COL4A1: variants seen among roughly 807,000 people sequenced by gnomAD.
COL4A1 encodes the protein collagen type IV alpha 1 chain.
In COL4A1, 40 loss-of-function variants were observed where a neutral mutation model predicts 216.6. The observed-to-expected ratio is 0.18, with a 90% confidence interval of 0.14 to 0.24. COL4A1 has a LOEUF of 0.24. Among genes scored for constraint, COL4A1 ranks in the 10% least tolerant of loss-of-function variants. The pLI is 1.00. For synonymous variants in COL4A1, 839 were observed against 810.7 expected (o/e 1.03, Z -0.59); for missense variants, 1,628 against 2,196.8 (o/e 0.74, Z 5.18).
intron 2 of COL4A1, among the ~76,000 whole-genome samples, chr13:110,231,005 G>A (rs762804462): frequency 7.9e-5 from 12 of 152,192 alleles, no homozygotes; most frequent in South Asian, 4.1e-4. Flanking sequence ...CATCAGCCCC[G>A]TCAGGATGAT....
At chr13:110,216,116 G>A (rs1880063022) in intron 2 of COL4A1, among the ~76,000 whole-genome samples, 1 of 152,214 alleles carries the variant, frequency 6.6e-6, no homozygotes, top group Non-Finnish European at 1.5e-5. Flanking sequence ...CAGCATCCAG[G>A]GAGTCGGCCA....
chr13:110,242,832 G>T, intron 1 of COL4A1, 98 bp from the exon 2 acceptor site: 1 of 1,296,842 alleles, frequency 7.7e-7, no homozygotes, highest in Non-Finnish European at 1.1e-6. Flanking sequence ...TTGTTTATGA[G>T]CGAAGCCTGC....
chr13:110,280,699 A>T (rs939426062), intron 1 of COL4A1, among the ~76,000 whole-genome samples: 4 of 152,222 alleles, frequency 2.6e-5, no homozygotes, highest in Non-Finnish European at 4.4e-5. Context: ...TCCCCTTTTC[A>T]ATAATTCTGG....
chr13:110,152,994 G>A (rs1566333178), intron 50 of COL4A1, among the ~76,000 whole-genome samples: 1 of 152,074 alleles, frequency 6.6e-6, no homozygotes, highest in Non-Finnish European at 1.5e-5. Flanking sequence ...TAAAAAGAGA[G>A]AAAAACAAGA....
intron 1 of COL4A1, among the ~76,000 whole-genome samples, chr13:110,294,942 A>G (rs1884211520): frequency 1.3e-5 from 2 of 152,234 alleles, no homozygotes; most frequent in Admixed American, 1.3e-4. Flanking sequence ...AAATGCACAC[A>G]TGGTCTACTT....
chr13:110,236,614 G>A (rs1273333931), intron 2 of COL4A1, among the ~76,000 whole-genome samples: 2 of 152,122 alleles, frequency 1.3e-5, no homozygotes, highest in African/African-American at 2.4e-5. Context: ...CCATGCCCAC[G>A]TCCTGGGTAA....
chr13:110,218,577 A>C (rs964393342), intron 2 of COL4A1, among the ~76,000 whole-genome samples: 2 of 152,242 alleles, frequency 1.3e-5, no homozygotes, highest in African/African-American at 2.4e-5. Context: ...GGGATGCTGA[A>C]CTAGCCAATT....
intron 2 of COL4A1, among the ~76,000 whole-genome samples, chr13:110,228,941 G>A (rs1162240747): frequency 6.6e-6 from 1 of 152,198 alleles, no homozygotes; most frequent in Non-Finnish European, 1.5e-5. Flanking sequence ...AGCTATGATT[G>A]CTTCAACTTG....
chr13:110,161,560 AC>A (rs1877087203), intron 48 of COL4A1, among the ~76,000 whole-genome samples, 191 bp from the exon 49 acceptor site: 1 of 152,244 alleles, frequency 6.6e-6, no homozygotes, highest in Non-Finnish European at 1.5e-5. Flanking sequence ...GCACAAAGAA[AC>A]CTTTTCCTAA....
Position 110,207,275 on chromosome 13 carries a change from A to G in COL4A1, c.780+128T>C. On this transcript the variant is annotated intron_variant, in intron 13 of 51. Coordinates refer to ENST00000375820, the MANE Select transcript of COL4A1 (RefSeq NM_001845.6). This position sits in a 1 kb window ranked among gnomAD's most constrained non-coding sequence, Gnocchi z 4.4. ...TCGTATTTTATGGACTGAACAGTCTATAAATCTGTTTTCCAGACCAGGATT... is the reference window on the plus strand; with the variant it reads ...TCGTATTTTATGGACTGAACAGTCTGTAAATCTGTTTTCCAGACCAGGATT... 1 of 848,248 alleles carries G rather than the reference A, an allele frequency of 1.2e-6. No homozygotes were observed. Among genetic ancestry groups the G allele is most frequent in the Non-Finnish European group, 2.0e-6 (1 of 502,498 alleles). 52.5% of individuals were successfully genotyped at this position (848,248 alleles called of 1,614,324 possible).
At chr13:110,244,965 T>C (rs761575650) in intron 1 of COL4A1, among the ~76,000 whole-genome samples, 8 of 152,188 alleles carry the variant, frequency 5.3e-5, no homozygotes, top group Non-Finnish European at 1.2e-4. Context: ...CAGTACCCAA[T>C]TATGGTTGTA....
At chr13:110,157,536 AC>A (rs1876844861) in intron 49 of COL4A1, among the ~76,000 whole-genome samples, 2 of 152,220 alleles carry the variant, frequency 1.3e-5, no homozygotes, top group African/African-American at 4.8e-5. Flanking sequence ...CAGCCTCTCT[AC>A]GAGAGGGAAG....
rs7337040 is a variant in COL4A1, at chr13:110,192,730, C to G, written c.1465+100G>C. 3.0e-6 allele frequency: 3 copies of G among 1,011,766 alleles called. No homozygotes were observed. The African/African-American group carries it at 4.8e-5, about 16-fold the overall frequency. 62.7% of individuals were successfully genotyped at this position (1,011,766 alleles called of 1,614,324 possible). The stretch of plus-strand genomic sequence containing the variant: ...CTGATTATGCTTTAGGATTGGCTGC[C>G]GAAAATCAGGCCTTCTATGGAGTGA... On this transcript the variant is annotated intron_variant, in intron 23 of 51. Coordinates refer to ENST00000375820, the MANE Select transcript of COL4A1 (RefSeq NM_001845.6).
intron 28 of COL4A1, among the ~76,000 whole-genome samples, chr13:110,181,891 T>C (rs1197594435): frequency 2.0e-5 from 3 of 152,198 alleles, no homozygotes; most frequent in East Asian, 3.9e-4. Flanking sequence ...TGATGGGCTA[T>C]GAAGCTGGCC....
chr13:110,155,740 G>A (rs917317639), intron 49 of COL4A1, among the ~76,000 whole-genome samples: 1 of 152,148 alleles, frequency 6.6e-6, no homozygotes, highest in Non-Finnish European at 1.5e-5. Context: ...GAGAAACGCT[G>A]TCTCTACTAA....
At chr13:110,187,491 T>C (rs998787377) in intron 24 of COL4A1, among the ~76,000 whole-genome samples, 162 bp from the exon 25 acceptor site, 1 of 152,208 alleles carries the variant, frequency 6.6e-6, no homozygotes, top group Admixed American at 6.5e-5. Flanking sequence ...AGGAGCTCTG[T>C]GACAAAGCCC....
chr13:110,241,670 G>A (rs1300322734), intron 2 of COL4A1, among the ~76,000 whole-genome samples: 1 of 152,144 alleles, frequency 6.6e-6, no homozygotes, highest in Non-Finnish European at 1.5e-5. Context: ...AAACTATCCA[G>A]GTAACACTAG....
At chr13:110,247,006 C>T (rs1007353180) in intron 1 of COL4A1, among the ~76,000 whole-genome samples, 2 of 152,186 alleles carry the variant, frequency 1.3e-5, no homozygotes, top group African/African-American at 4.8e-5. Context: ...TAAAAGCAGA[C>T]CAGCCATGGA....
chr13:110,307,151 G>GT lies in COL4A1; in HGVS notation c.-125_-124insA. ...GTCCCGGGTGCGGCGGCTCCAAGCGGAGACCTGAGCGCGGCGGGCCGAGCT... is the reference window on the plus strand; with the variant it reads ...GTCCCGGGTGCGGCGGCTCCAAGCGGTAGACCTGAGCGCGGCGGGCCGAGCT... On this transcript the variant is annotated 5_prime_UTR_variant, in exon 1 of 52. Transcript: ENST00000375820. The surrounding 1 kb of genome is among the most constrained non-coding windows in gnomAD (Gnocchi z 5.0). 1 of 752,352 alleles carries GT rather than the reference G, an allele frequency of 1.3e-6. No individual in the cohort carries two copies. Among genetic ancestry groups the GT allele is most frequent in the Non-Finnish European group, 1.9e-6 (1 of 521,752 alleles). The allele number at this position is 752,352 out of a possible 1,614,324, so 46.6% of individuals were successfully genotyped here.
Sources: gnomAD v4.1 joint callset for allele counts (sites outside exome capture counted in the v4.1 genomes callset) on GRCh38, gnomAD v4.1.1 for gene constraint, Gnocchi (gnomAD v3.1) non-coding constraint, MANE v1.5 for transcripts, NCBI Gene and HGNC (gene_info 2026-07-23, HGNC 2026-07-21) for gene names.